The following FAM13C variants were observed in gnomAD, a reference collection of about 807,000 sequenced individuals.
The protein encoded by FAM13C is protein FAM13C.
FAM13C carries 37 observed loss-of-function variants against 73.2 expected under a neutral mutation model. That is an observed-to-expected ratio of 0.51 (90% confidence interval 0.39 to 0.67). FAM13C has a LOEUF of 0.67. Ranked by LOEUF, FAM13C falls within the 30% of genes least tolerant of loss-of-function variation. FAM13C has a pLI of 0.00. For missense variants in FAM13C, 589 were observed against 715.6 expected (o/e 0.82, Z 2.02); for synonymous variants, 246 against 260.9 (o/e 0.94, Z 0.55).
intron 9 of FAM13C, among the ~76,000 whole-genome samples, chr10:59,263,382 T>G (rs867127895): frequency 1.7e-4 from 26 of 152,208 alleles, no homozygotes; most frequent in African/African-American, 6.3e-4. Flanking sequence ...TGTTTAAACA[T>G]TGCATATTTT....
intron 6 of FAM13C, among the ~76,000 whole-genome samples, chr10:59,280,072 T>C (rs963980334): frequency 2.6e-5 from 4 of 152,142 alleles, no homozygotes; most frequent in Non-Finnish European, 5.9e-5. Flanking sequence ...AACTTCAACA[T>C]ATATTTTAAT....
chr10:59,362,653 G>A (rs957318815), upstream of FAM13C: 21 of 1,330,454 alleles, frequency 1.6e-5, no homozygotes, highest in Non-Finnish European at 2.0e-5. Context: ...ACAAAGCCCG[G>A]CAGCCCGCGA....
At chr10:59,266,037 G>T (rs1041924902) in intron 8 of FAM13C, among the ~76,000 whole-genome samples, 1 of 152,164 alleles carries the variant, frequency 6.6e-6, no homozygotes, top group East Asian at 1.9e-4. Context: ...GGTTCAAAAA[G>T]ACACATTAGA....
intron 5 of FAM13C, among the ~76,000 whole-genome samples, chr10:59,296,439 T>C (rs564806202): frequency 6.6e-6 from 1 of 152,338 alleles, no homozygotes; most frequent in African/African-American, 2.4e-5. Context: ...ACCAGCATAA[T>C]TGAACAGATA....
chr10:59,332,232 GTA>G (rs200352553), intron 3 of FAM13C, among the ~76,000 whole-genome samples: 1 of 151,750 alleles, frequency 6.6e-6, no homozygotes. Context: ...CAATATGTTT[GTA>G]TATATATGTG....
At chr10:59,273,987 T>C (rs1228772933) in intron 6 of FAM13C, among the ~76,000 whole-genome samples, 1 of 150,372 alleles carries the variant, frequency 6.7e-6, no homozygotes, top group East Asian at 2.0e-4. Context: ...ACTCTTGGGA[T>C]TGCCCATCAT....
At chr10:59,307,385 C>A (rs2133901095) in intron 4 of FAM13C, among the ~76,000 whole-genome samples, 1 of 152,190 alleles carries the variant, frequency 6.6e-6, no homozygotes, top group East Asian at 1.9e-4. Flanking sequence ...TGAGAGAAAG[C>A]ACTAGACCCA....
At chr10:59,280,711 C>A (rs950362292) in intron 6 of FAM13C, among the ~76,000 whole-genome samples, 7 of 152,064 alleles carry the variant, frequency 4.6e-5, no homozygotes, top group African/African-American at 1.7e-4. Flanking sequence ...ATACAGTGTC[C>A]CCAGGGGTAC....
chr10:59,321,577 A>G (rs916153365), intron 4 of FAM13C, among the ~76,000 whole-genome samples: 8 of 152,026 alleles, frequency 5.3e-5, no homozygotes, highest in Admixed American at 4.6e-4. Context: ...GTATATATAC[A>G]CAGAAACTTG....
intron 3 of FAM13C, among the ~76,000 whole-genome samples, 189 bp downstream of exon 3, chr10:59,352,081 A>C (rs1309532810): frequency 2.0e-5 from 3 of 152,216 alleles, no homozygotes; most frequent in African/African-American, 7.2e-5. Flanking sequence ...CCAAATTATT[A>C]GCCGGCTCAG....
intron 6 of FAM13C, among the ~76,000 whole-genome samples, chr10:59,273,649 C>T (rs997057436): frequency 3.3e-5 from 5 of 152,096 alleles, no homozygotes; most frequent in African/African-American, 1.2e-4. Flanking sequence ...ACTAGGCTAT[C>T]TCCATTCAGG....
In FAM13C at chr10:59,287,074, C is replaced by T. The variant is rs1260837240; in HGVS notation, c.508-3627G>A. On this transcript the variant is annotated intron_variant, in intron 5 of 13. Coordinates refer to ENST00000618804, the MANE Select transcript of FAM13C (RefSeq NM_198215.4). ...AAAAAAGGCCAGGTGTGGTGGCTCA[C>T]GCCTGTAATCCCAGCACTTTGGGAG... is the stretch of plus-strand genomic sequence containing the variant. Among the ~76,000 whole-genome samples the T allele has an allele frequency of 9.2e-5, 13 of 141,396 alleles. No homozygotes were observed. The East Asian group carries it at 1.1e-3, about 12-fold the overall frequency. The allele number at this position is 141,396 out of a possible 152,430, so 92.8% of individuals were successfully genotyped here. A position where few individuals can be genotyped will look rare whatever the true frequency, so the allele number is the denominator to read the frequency against.
Position 59,352,356 on chromosome 10 carries a change from A to C in FAM13C, c.238T>G (p.Leu80Val). The C allele has an allele frequency of 6.2e-7, 1 of 1,614,218 alleles. No homozygotes were observed. ...VEATVLVDSV[L>V]RPSMGNFKSR... is the part of the protein sequence containing the mutation. ...TTGAAGTTGCCCATGCTGGGTCGCA[A>C]TACGCTGTCCACCAGCACGGTCGCC... Residue 80 changes from leucine to valine, a missense_variant, in exon 3 of 14, where the codon TTG becomes GTG. Coordinates refer to ENST00000618804, the MANE Select transcript of FAM13C (RefSeq NM_198215.4).
At chr10:59,316,923 G>A (rs1181784649) in intron 4 of FAM13C, among the ~76,000 whole-genome samples, 1 of 152,036 alleles carries the variant, frequency 6.6e-6, no homozygotes, top group Non-Finnish European at 1.5e-5. Flanking sequence ...GTAATATACA[G>A]CAATGTATAA....
upstream of FAM13C, chr10:59,362,776 G>A: frequency 6.9e-6 from 3 of 436,852 alleles, no homozygotes; most frequent in Non-Finnish European, 1.2e-5. Flanking sequence ...CCCAGGCGCC[G>A]CGTTTAATCT....
chr10:59,309,298 T>A lies in FAM13C; in HGVS notation c.444-6434A>T, dbSNP rs552994671. On this transcript the variant is annotated intron_variant, in intron 4 of 13. Coordinates refer to ENST00000618804, the MANE Select transcript of FAM13C (RefSeq NM_198215.4). ...ATCTGAACTACCTGAATGACAGTAG[T>A]TTCTCCCTGGTCTCCCTACTTCCCC... 4.6e-5 allele frequency among the ~76,000 whole-genome samples: 7 copies of A among 152,212 alleles called. No individual in the cohort carries two copies. The East Asian group carries it at 9.7e-4, about 21-fold the overall frequency.
At chr10:59,348,780 C>T (rs1000189183) in intron 3 of FAM13C, among the ~76,000 whole-genome samples, 4 of 152,148 alleles carry the variant, frequency 2.6e-5, no homozygotes, top group East Asian at 1.9e-4. Flanking sequence ...GGACTATAGG[C>T]GTGCACTACC....
intron 3 of FAM13C, among the ~76,000 whole-genome samples, chr10:59,332,667 T>G (rs1466479478): frequency 6.6e-6 from 1 of 152,226 alleles, no homozygotes; most frequent in Non-Finnish European, 1.5e-5. Context: ...GTTCTACTTG[T>G]GTTAAACTTT....
chr10:59,324,144 C>A (rs1850754283), intron 3 of FAM13C, 38 bp from the exon 4 acceptor site: 1 of 1,519,654 alleles, frequency 6.6e-7, no homozygotes, highest in South Asian at 1.2e-5. Flanking sequence ...GAGCTGTCAA[C>A]AGCAATCAGT....
Sources: gnomAD v4.1 joint callset for allele counts (sites outside exome capture counted in the v4.1 genomes callset) on GRCh38, gnomAD v4.1.1 for gene constraint, MANE v1.5 for transcripts, NCBI Gene and HGNC (gene_info 2026-07-23, HGNC 2026-07-21) for gene names.